Variants in SERINC5 observed in about 807,000 individuals in gnomAD.
The protein encoded by SERINC5 is serine incorporator 5.
In SERINC5, 41 loss-of-function variants were observed where a neutral mutation model predicts 63.1. That is an observed-to-expected ratio of 0.65 (90% CI 0.51 to 0.84). The LOEUF is 0.84. Among genes scored for constraint, SERINC5 ranks in the 40% least tolerant of loss-of-function variants. SERINC5 has a pLI of 0.00. For synonymous variants in SERINC5, 222 were observed against 215.2 expected (o/e 1.03, Z -0.28); for missense variants, 523 against 573.0 (o/e 0.91, Z 0.89).
chr5:80,138,007 T>C (rs781332147), downstream of SERINC5, among the ~76,000 whole-genome samples: 3 of 152,002 alleles, frequency 2.0e-5, no homozygotes, highest in Non-Finnish European at 4.4e-5. Flanking sequence ...TCCTGCAATA[T>C]GCAACAATTT....
intron 1 of SERINC5, among the ~76,000 whole-genome samples, chr5:80,243,914 G>A (rs904950924): frequency 6.6e-6 from 1 of 152,040 alleles, no homozygotes; most frequent in Non-Finnish European, 1.5e-5. Context: ...AAAGTAGACG[G>A]TGGGGGAGCA....
intron 2 of SERINC5, among the ~76,000 whole-genome samples, chr5:80,186,144 A>G (rs1387115963): frequency 1.4e-5 from 2 of 146,862 alleles, no homozygotes; most frequent in Non-Finnish European, 3.0e-5. Flanking sequence ...AAAAAAAAAA[A>G]AAAAAAAAAA....
Position 80,142,419 on chromosome 5 carries a change from G to C in SERINC5, c.*1244C>G. On this transcript the variant is annotated 3_prime_UTR_variant, in exon 12 of 12. Transcript: ENST00000507668. ...GGCTAATTTTTCTATTTTTAATAGAGACAGGGTTTCACCATGTTAGCCAGG... is the reference window on the plus strand; with the variant it reads ...GGCTAATTTTTCTATTTTTAATAGACACAGGGTTTCACCATGTTAGCCAGG... 1 of 898,060 alleles carries C rather than the reference G, an allele frequency of 1.1e-6. No homozygotes were observed. Among genetic ancestry groups the C allele is most frequent in the Non-Finnish European group, 1.3e-6 (1 of 750,454 alleles). 55.6% of individuals were successfully genotyped at this position (898,060 alleles called of 1,614,324 possible).
chr5:80,183,025 G>A (rs1161356386), intron 2 of SERINC5, among the ~76,000 whole-genome samples: 1 of 152,156 alleles, frequency 6.6e-6, no homozygotes, highest in Non-Finnish European at 1.5e-5. Flanking sequence ...CCCCCATCCT[G>A]TAAGCAAGGG....
At chr5:80,129,620 A>C (rs903961554) in intron 11 of SERINC5, among the ~76,000 whole-genome samples, 1 of 152,180 alleles carries the variant, frequency 6.6e-6, no homozygotes, top group Non-Finnish European at 1.5e-5. Flanking sequence ...CAGCTGTCTA[A>C]ATTATTTTTT....
intron 2 of SERINC5, among the ~76,000 whole-genome samples, chr5:80,201,597 G>A (rs1311737124): frequency 6.6e-6 from 1 of 152,156 alleles, no homozygotes; most frequent in Non-Finnish European, 1.5e-5. Context: ...TTGTCAATTC[G>A]CTTAGAACCT....
rs188763384 is a variant in SERINC5 at position 80,195,402 on chromosome 5, T to A, written c.195+7484A>T. 1.2e-3 allele frequency among the ~76,000 whole-genome samples: 186 copies of A among 152,308 alleles called. 1 individual carries two copies. Among genetic ancestry groups the A allele is most frequent in the African/African-American group, 4.3e-3 (179 of 41,576 alleles). On this transcript the variant is annotated intron_variant, in intron 2 of 11. Transcript: ENST00000507668. ...TTATACAAATTTTAAAAATAAATTA[T>A]ATCCTAAAAAGATCATTGTTTTCTC... is the stretch of plus-strand genomic sequence containing the variant.
chr5:80,188,965 T>C (rs1749009280), intron 2 of SERINC5, among the ~76,000 whole-genome samples: 1 of 152,118 alleles, frequency 6.6e-6, no homozygotes, highest in Admixed American at 6.6e-5. Flanking sequence ...TACAATCTGA[T>C]TGACTCTAAT....
At chr5:80,191,128 A>G (rs888325633) in intron 2 of SERINC5, among the ~76,000 whole-genome samples, 1 of 151,712 alleles carries the variant, frequency 6.6e-6, no homozygotes, top group African/African-American at 2.4e-5. Flanking sequence ...AAACCACTGA[A>G]AGATTCTAGT....
chr5:80,173,275 AAGGAAGAAAATG>A, intron 5 of SERINC5, among the ~76,000 whole-genome samples: 1 of 146,952 alleles, frequency 6.8e-6, no homozygotes, highest in African/African-American at 2.6e-5. Flanking sequence ...GGAAGGAAGG[AAGGAAGAAAATG>A]AAATGAAATG....
chr5:80,139,848 G>A lies in SERINC5; in HGVS notation c.*3815C>T, dbSNP rs1745394671. Reference sequence around the variant, plus strand: ...GTTCAAGGTTTGTCCCTTCTTAGTTGTAGGTTGGGCCCTCTTTCGTTTCCA... The same window carrying A: ...GTTCAAGGTTTGTCCCTTCTTAGTTATAGGTTGGGCCCTCTTTCGTTTCCA... On this transcript the variant is annotated 3_prime_UTR_variant, in exon 12 of 12. Transcript: ENST00000507668. 1 of 985,392 alleles carries A rather than the reference G, an allele frequency of 1.0e-6. No individual in the cohort carries two copies. The allele number at this position is 985,392 out of a possible 1,614,324, so 61.0% of individuals were successfully genotyped here.
Position 80,141,576 on chromosome 5 carries a change from C to A in SERINC5, c.*2087G>T. 4 of 985,518 alleles carry A rather than the reference C, an allele frequency of 4.1e-6. No homozygotes were observed. The highest frequency in any genetic ancestry group is 4.8e-6 in the Non-Finnish European group (4 of 830,024). 61.0% of individuals were successfully genotyped at this position (985,518 alleles called of 1,614,324 possible). On this transcript the variant is annotated 3_prime_UTR_variant, in exon 12 of 12. Coordinates refer to ENST00000507668, the MANE Select transcript of SERINC5 (RefSeq NM_001174072.3). Reference sequence around the variant, plus strand: ...GAAACTAGTCACAATACTGCCCAGGCTCTTTACCTGCTTCCCCTCAGGGTG... The same window carrying A: ...GAAACTAGTCACAATACTGCCCAGGATCTTTACCTGCTTCCCCTCAGGGTG...
At chr5:80,171,111 A>T (rs1307023234) in intron 5 of SERINC5, among the ~76,000 whole-genome samples, 1 of 152,070 alleles carries the variant, frequency 6.6e-6, no homozygotes, top group Non-Finnish European at 1.5e-5. Context: ...CCCAGGTTCA[A>T]GTAATTCTCT....
chr5:80,115,523 C>T (rs1336831309), intron 11 of SERINC5, among the ~76,000 whole-genome samples: 9 of 151,972 alleles, frequency 5.9e-5, no homozygotes, highest in Non-Finnish European at 1.0e-4. Context: ...CTATTTTCTG[C>T]TTCCCTGTCT....
downstream of SERINC5, among the ~76,000 whole-genome samples, chr5:80,137,393 C>A (rs1031395365): frequency 1.3e-5 from 2 of 152,010 alleles, no homozygotes; most frequent in Admixed American, 1.3e-4. Flanking sequence ...GTAATCCCAG[C>A]ACTTTGGGAG....
rs560403758 is a variant in SERINC5 at position 80,160,936 on chromosome 5, A to G, written c.860-1974T>C. Among the ~76,000 whole-genome samples, 10 of 143,950 alleles carry G rather than the reference A, an allele frequency of 6.9e-5. No homozygotes were observed. The South Asian group carries it at 1.6e-3, about 24-fold the overall frequency. The allele number at this position is 143,950 out of a possible 152,430, so 94.4% of individuals were successfully genotyped here. The stretch of plus-strand genomic sequence containing the variant: ...GATATATATATGTGTGTGTGTGTGT[A>G]TATATATGTGTATATATATATGTGT... On this transcript the variant is annotated intron_variant, in intron 7 of 11. Coordinates refer to ENST00000507668, the MANE Select transcript of SERINC5 (RefSeq NM_001174072.3).
chr5:80,189,243 G>A (rs1749031360), intron 2 of SERINC5, among the ~76,000 whole-genome samples: 2 of 152,132 alleles, frequency 1.3e-5, no homozygotes, highest in South Asian at 4.1e-4. Flanking sequence ...GAGGAGGAGT[G>A]GAGGTGCCGG....
chr5:80,220,393 G>C (rs1750850879), intron 1 of SERINC5, among the ~76,000 whole-genome samples: 1 of 152,192 alleles, frequency 6.6e-6, no homozygotes, highest in Non-Finnish European at 1.5e-5. Flanking sequence ...CAGGCTGACT[G>C]AATGAATTGT....
intron 1 of SERINC5, among the ~76,000 whole-genome samples, chr5:80,240,551 C>T (rs189094022): frequency 1.7e-4 from 26 of 152,112 alleles, no homozygotes; most frequent in African/African-American, 5.8e-4. Flanking sequence ...TTTTAGAATG[C>T]GTATGTCATG....
Sources: allele counts gnomAD v4.1 joint callset (sites outside exome capture counted in the v4.1 genomes callset), GRCh38; gene constraint gnomAD v4.1.1; transcripts MANE v1.5; gene names NCBI Gene and HGNC (gene_info 2026-07-23, HGNC 2026-07-21).